THSD4: variants seen among roughly 807,000 people sequenced by gnomAD.
The protein encoded by THSD4 is thrombospondin type 1 domain containing 4, also known as thrombospondin type-1 domain-containing protein 4.
In THSD4, 69 loss-of-function variants were observed where a neutral mutation model predicts 119.0. The ratio of observed to expected loss-of-function variants is 0.58; its 90% CI spans 0.48 to 0.71. THSD4 has a LOEUF of 0.71. Among genes scored for constraint, THSD4 ranks in the 30% least tolerant of loss-of-function variants. The probability of loss-of-function intolerance (pLI) is 0.00; values close to 1 mark genes in which losing one functional copy is unlikely to be tolerated. For synonymous variants in THSD4, 524 were observed against 540.4 expected (o/e 0.97, Z 0.42); for missense variants, 1,393 against 1,391.1 (o/e 1.00, Z -0.02).
Position 71,442,833 on chromosome 15 carries a change from C to T in THSD4, c.1152+31010C>T, listed in dbSNP as rs112764597. On this transcript the variant is annotated intron_variant, in intron 7 of 17. Coordinates refer to ENST00000261862, the MANE Select transcript of THSD4 (RefSeq NM_024817.3). Reference sequence around the variant, plus strand: ...AAATCTTTTTCTTCCCTTATGTACCCACATAGGTCACCTTTGGTAGAGCAA... The same window carrying T: ...AAATCTTTTTCTTCCCTTATGTACCTACATAGGTCACCTTTGGTAGAGCAA... Among the ~76,000 whole-genome samples the T allele has an allele frequency of 6.0e-3, 903 of 150,506 alleles. 9 individuals carry two copies. The highest frequency in any genetic ancestry group is 0.021 in the African/African-American group (852 of 40,904).
At chr15:71,376,818 G>A (rs967753274) in intron 6 of THSD4, among the ~76,000 whole-genome samples, 1 of 152,170 alleles carries the variant, frequency 6.6e-6, no homozygotes, top group African/African-American at 2.4e-5. Context: ...GAGACATATT[G>A]GATTGAAACA....
intron 1 of THSD4, among the ~76,000 whole-genome samples, chr15:71,141,235 T>G (rs368017347): frequency 1.9e-4 from 29 of 152,344 alleles, no homozygotes; most frequent in Middle Eastern, 6.8e-3. Context: ...ACTGAACATC[T>G]TCTGTGGGTC....
chr15:71,654,794 T>C (rs553667714), intron 7 of THSD4, among the ~76,000 whole-genome samples: 7 of 152,334 alleles, frequency 4.6e-5, no homozygotes, highest in Non-Finnish European at 1.0e-4. Flanking sequence ...CACGCTGTTT[T>C]ACCTGTGGGG....
chr15:71,360,418 T>C (rs2045878733), intron 6 of THSD4, among the ~76,000 whole-genome samples: 1 of 152,146 alleles, frequency 6.6e-6, no homozygotes, highest in Admixed American at 6.5e-5. Context: ...CGGCTCTATC[T>C]CTTCATATGA....
intron 1 of THSD4, among the ~76,000 whole-genome samples, chr15:71,137,498 T>C (rs867685044): frequency 2.6e-5 from 4 of 152,204 alleles, no homozygotes; most frequent in African/African-American, 9.7e-5. Flanking sequence ...AATACCCTTA[T>C]TATGCGTGAT....
At chr15:71,363,216 T>C (rs2045916709) in intron 6 of THSD4, among the ~76,000 whole-genome samples, 2 of 152,214 alleles carry the variant, frequency 1.3e-5, no homozygotes, top group African/African-American at 2.4e-5. Flanking sequence ...TACCCAACTC[T>C]GCTGTGGTCA....
intron 7 of THSD4, among the ~76,000 whole-genome samples, chr15:71,435,778 C>A (rs1036281742): frequency 1.3e-5 from 2 of 152,122 alleles, no homozygotes; most frequent in Non-Finnish European, 2.9e-5. Flanking sequence ...ACCTGCCAAC[C>A]TGTGACGCCT....
intron 1 of THSD4, among the ~76,000 whole-genome samples, chr15:71,129,292 A>G (rs1488753818): frequency 6.6e-6 from 1 of 152,194 alleles, no homozygotes; most frequent in Non-Finnish European, 1.5e-5. Flanking sequence ...ATGAAATAAT[A>G]AAGAGGTTGG....
At chr15:71,660,470 TC>T in intron 7 of THSD4, 59 bp from the exon 8 acceptor site, 1 of 1,600,940 alleles carries the variant, frequency 6.2e-7, no homozygotes, top group South Asian at 1.1e-5. Context: ...TCTTCTCCCT[TC>T]CTTCCTCTGC....
intron 7 of THSD4, among the ~76,000 whole-genome samples, chr15:71,529,151 C>T (rs1225705328): frequency 1.3e-5 from 2 of 152,190 alleles, no homozygotes; most frequent in Non-Finnish European, 2.9e-5. Context: ...TATTGAGGGG[C>T]ATAGAGCCTC....
intron 7 of THSD4, among the ~76,000 whole-genome samples, chr15:71,498,916 G>C (rs1395848304): frequency 6.6e-6 from 1 of 150,414 alleles, no homozygotes; most frequent in Non-Finnish European, 1.5e-5. Context: ...TGTTGCCCAG[G>C]CTGGTCTTGA....
intron 3 of THSD4, among the ~76,000 whole-genome samples, chr15:71,199,993 G>C (rs1041896058): frequency 6.6e-6 from 1 of 151,252 alleles, no homozygotes; most frequent in Non-Finnish European, 1.5e-5. Context: ...GCCTCTGGTT[G>C]AGAACTGTTG....
intron 8 of THSD4, among the ~76,000 whole-genome samples, chr15:71,706,003 G>A (rs772414279): frequency 1.1e-4 from 17 of 152,202 alleles, no homozygotes; most frequent in African/African-American, 3.9e-4. Flanking sequence ...CAGACATGGT[G>A]AGGAATTGCA....
chr15:71,469,893 C>A (rs897892593), intron 7 of THSD4, among the ~76,000 whole-genome samples: 1 of 152,058 alleles, frequency 6.6e-6, no homozygotes, highest in Non-Finnish European at 1.5e-5. Context: ...AGTGGGAGAA[C>A]AACATACAGT....
intron 6 of THSD4, among the ~76,000 whole-genome samples, chr15:71,324,440 T>C (rs2045314700): frequency 6.6e-6 from 1 of 152,188 alleles, no homozygotes; most frequent in East Asian, 1.9e-4. Context: ...ATGTGTACTT[T>C]TTTTCTTCCT....
At chr15:71,463,541 C>T (rs2047455156) in intron 7 of THSD4, among the ~76,000 whole-genome samples, 2 of 152,218 alleles carry the variant, frequency 1.3e-5, no homozygotes, top group African/African-American at 2.4e-5. Context: ...TTACAGTTGT[C>T]AGTTCTAGGA....
At chr15:71,508,163 C>T (rs924625169) in intron 7 of THSD4, among the ~76,000 whole-genome samples, 2 of 152,124 alleles carry the variant, frequency 1.3e-5, no homozygotes, top group Non-Finnish European at 2.9e-5. Context: ...ATGTTGAAGC[C>T]AGCCCTTCAG....
chr15:71,529,143 T>C (rs1262501493), intron 7 of THSD4, among the ~76,000 whole-genome samples: 2 of 152,224 alleles, frequency 1.3e-5, no homozygotes, highest in Non-Finnish European at 2.9e-5. Flanking sequence ...AAACCATGTA[T>C]TGAGGGGCAT....
chr15:71,624,002 A>G (rs1356456960), intron 7 of THSD4, among the ~76,000 whole-genome samples: 1 of 152,188 alleles, frequency 6.6e-6, no homozygotes, highest in African/African-American at 2.4e-5. Context: ...GACAGATGTC[A>G]TGGATTGGCT....
Sources: gnomAD v4.1 joint callset for allele counts (sites outside exome capture counted in the v4.1 genomes callset) on GRCh38, gnomAD v4.1.1 for gene constraint, MANE v1.5 for transcripts, NCBI Gene and HGNC (gene_info 2026-07-23, HGNC 2026-07-21) for gene names.